Variants in TSHZ2 observed in about 807,000 individuals in gnomAD.
The protein encoded by TSHZ2 is teashirt zinc finger homeobox 2.
A neutral mutation model predicts 74.4 loss-of-function variants in TSHZ2; 21 were observed. The ratio of observed to expected loss-of-function variants is 0.28; its 90% CI spans 0.20 to 0.41. TSHZ2 has a LOEUF of 0.41. Among genes scored for constraint, TSHZ2 ranks in the 10% least tolerant of loss-of-function variants. TSHZ2 has a pLI of 1.00. For missense variants in TSHZ2, 1,244 were observed against 1,293.5 expected, an observed-to-expected ratio of 0.96 and a Z score of 0.59; for synonymous variants, 540 against 515.3, an observed-to-expected ratio of 1.05 and a Z score of -0.65.
chr20:53,189,836 C>A (rs1251570662), intron 1 of TSHZ2, among the ~76,000 whole-genome samples: 2 of 151,806 alleles, frequency 1.3e-5, no homozygotes, highest in East Asian at 3.9e-4. Flanking sequence ...ACAATCCCAG[C>A]ACTTTGGGAG....
At chr20:53,072,015 G>T (rs1302080204) in intron 1 of TSHZ2, among the ~76,000 whole-genome samples, 1 of 152,152 alleles carries the variant, frequency 6.6e-6, no homozygotes, top group Non-Finnish European at 1.5e-5. Flanking sequence ...AGAGACCAGA[G>T]ATGCTGCTAA....
chr20:53,215,310 A>G (rs1194272872), intron 1 of TSHZ2, among the ~76,000 whole-genome samples: 1 of 152,092 alleles, frequency 6.6e-6, no homozygotes, highest in Admixed American at 6.5e-5. Flanking sequence ...TTAAGAGCAA[A>G]ATAGCAGCAT....
intron 1 of TSHZ2, among the ~76,000 whole-genome samples, chr20:53,162,341 C>T (rs1251062054): frequency 1.3e-5 from 2 of 152,128 alleles, no homozygotes; most frequent in African/African-American, 2.4e-5. Context: ...GTTTTGGGTT[C>T]GGCCATCCCA....
intron 2 of TSHZ2, among the ~76,000 whole-genome samples, chr20:53,419,909 C>T (rs1313799869): frequency 6.6e-6 from 1 of 152,234 alleles, no homozygotes; most frequent in Non-Finnish European, 1.5e-5. Context: ...CCTAATACGT[C>T]CTGCTGAGCC....
rs77431400 is a variant in TSHZ2 at position 53,158,691 on chromosome 20, C to T, written c.41-94808C>T. ...CCTGTCAGAGTGTCGGGCCCTGGAA[C>T]GCTCCAGCTGTGATAATGTCGTGGC... On this transcript the variant is annotated intron_variant, in intron 1 of 2. Transcript: ENST00000371497. Among the ~76,000 whole-genome samples the T allele has an allele frequency of 8.5e-5, 13 of 152,264 alleles. No individual in the cohort carries two copies. The East Asian group carries it at 9.7e-4, about 11-fold the overall frequency.
At chr20:53,065,460 G>A (rs1984952451) in intron 1 of TSHZ2, among the ~76,000 whole-genome samples, 1 of 152,160 alleles carries the variant, frequency 6.6e-6, no homozygotes, top group Non-Finnish European at 1.5e-5. Context: ...AGTAGAAGGT[G>A]AAAACGGAAT....
chr20:53,313,723 C>T (rs113070121), intron 2 of TSHZ2, among the ~76,000 whole-genome samples: 1,718 of 152,344 alleles, frequency 0.011, 34 homozygotes, highest in African/African-American at 0.039. Context: ...GCACAAGCTA[C>T]TTGACCCTCT....
intron 1 of TSHZ2, among the ~76,000 whole-genome samples, chr20:53,103,571 A>G (rs377337157): frequency 3.3e-5 from 5 of 152,214 alleles, no homozygotes; most frequent in African/African-American, 9.6e-5. Context: ...GAATGGAAGT[A>G]TAGAATAACT....
intron 1 of TSHZ2, among the ~76,000 whole-genome samples, chr20:53,161,872 C>A (rs1600718596): frequency 6.6e-6 from 1 of 152,304 alleles, no homozygotes; most frequent in East Asian, 1.9e-4. Context: ...CTTCTATAAA[C>A]AATTACTATA....
At chr20:53,403,031 C>A (rs1982724890) in intron 2 of TSHZ2, among the ~76,000 whole-genome samples, 1 of 152,166 alleles carries the variant, frequency 6.6e-6, no homozygotes, top group Non-Finnish European at 1.5e-5. Flanking sequence ...CAGTACCCAA[C>A]AGGTAGTTTG....
At chr20:53,086,174 C>G (rs1409174938) in intron 1 of TSHZ2, among the ~76,000 whole-genome samples, 1 of 152,144 alleles carries the variant, frequency 6.6e-6, no homozygotes, top group African/African-American at 2.4e-5. Context: ...GGAAACTAAG[C>G]AATAACAACT....
intron 1 of TSHZ2, among the ~76,000 whole-genome samples, chr20:53,151,077 TTATCA>T (rs1987665968): frequency 6.6e-6 from 1 of 152,200 alleles, no homozygotes; most frequent in Non-Finnish European, 1.5e-5. Flanking sequence ...ATTTAAGGCC[TTATCA>T]TATCACGCTC....
At chr20:53,449,795 A>T (rs1179303264) in intron 2 of TSHZ2, among the ~76,000 whole-genome samples, 1 of 152,220 alleles carries the variant, frequency 6.6e-6, no homozygotes, top group East Asian at 1.9e-4. Flanking sequence ...TTCTCCCACC[A>T]TTAAGAGTGT....
intron 2 of TSHZ2, chr20:53,400,452 C>G (rs1345573070): frequency 2.6e-5 from 4 of 152,300 alleles, no homozygotes; most frequent in African/African-American, 9.7e-5. Flanking sequence ...TGTGGGGACT[C>G]TCTTCTCATC....
intron 1 of TSHZ2, among the ~76,000 whole-genome samples, chr20:53,053,588 T>TATAC (rs1326576491): frequency 6.6e-6 from 1 of 151,926 alleles, no homozygotes; most frequent in Non-Finnish European, 1.5e-5. Flanking sequence ...TGTGTATATA[T>TATAC]ATATATATAT....
At chr20:53,346,123 G>A (rs552262125) in intron 2 of TSHZ2, among the ~76,000 whole-genome samples, 1 of 152,296 alleles carries the variant, frequency 6.6e-6, no homozygotes, top group East Asian at 1.9e-4. Context: ...TGTTTCGGAT[G>A]CCTACCCCAG....
In TSHZ2 at chr20:53,442,871, T is replaced by C. The variant is rs562001571; in HGVS notation, c.*9-44273T>C. Among the ~76,000 whole-genome samples the C allele has an allele frequency of 2.0e-5, 3 of 152,354 alleles. No homozygotes were observed. The South Asian group carries it at 6.2e-4, about 32-fold the overall frequency. On this transcript the variant is annotated intron_variant, in intron 2 of 2. Coordinates refer to ENST00000371497, the MANE Select transcript of TSHZ2 (RefSeq NM_173485.6). ...AAATTAAGTGATGCATTGTGTGCAC[T>C]TGAGCTCTGGGCGTGATTGTTATTA...
chr20:53,197,081 A>T (rs1988889644), intron 1 of TSHZ2, among the ~76,000 whole-genome samples: 1 of 152,258 alleles, frequency 6.6e-6, no homozygotes. Context: ...TCATTTTGTC[A>T]AATAACAGTG....
At chr20:53,423,986 G>A (rs1419961337) in intron 2 of TSHZ2, among the ~76,000 whole-genome samples, 2 of 152,160 alleles carry the variant, frequency 1.3e-5, no homozygotes, top group African/African-American at 2.4e-5. Flanking sequence ...GCCCAGCCCC[G>A]CTGCAAGGAA....
Sources: gnomAD v4.1 joint callset for allele counts (sites outside exome capture counted in the v4.1 genomes callset) on GRCh38, gnomAD v4.1.1 for gene constraint, MANE v1.5 for transcripts, NCBI Gene and HGNC (gene_info 2026-07-23, HGNC 2026-07-21) for gene names.